The following NEK10 variants were observed in gnomAD, a reference collection of about 807,000 sequenced individuals.
The protein encoded by NEK10 is NIMA related kinase 10, also known as serine/threonine-protein kinase Nek10.
In NEK10, 122 loss-of-function variants were observed where a neutral mutation model predicts 159.8. The ratio of observed to expected loss-of-function variants is 0.76; its 90% CI spans 0.66 to 0.89. The LOEUF is 0.89. Ranked by LOEUF, NEK10 falls within the 40% of genes least tolerant of loss-of-function variation. NEK10 has a pLI of 0.00. For missense variants in NEK10, 1,342 were observed against 1,323.1 expected (o/e 1.01, Z -0.22); for synonymous variants, 466 against 457.1 (o/e 1.02, Z -0.25).
intron 23 of NEK10, among the ~76,000 whole-genome samples, chr3:27,204,053 G>C (rs1468148022): frequency 6.6e-6 from 1 of 151,818 alleles, no homozygotes; most frequent in African/African-American, 2.4e-5. Context: ...AAATGTCTTT[G>C]GCTCCCCACA....
intron 3 of NEK10, 70 bp from the exon 4 acceptor site, chr3:27,346,286 T>C (rs1559539410): frequency 3.9e-6 from 6 of 1,524,274 alleles, no homozygotes; most frequent in Non-Finnish European, 4.5e-6. Context: ...TAACAAAATA[T>C]GGGGAGGATG....
intron 5 of NEK10, among the ~76,000 whole-genome samples, chr3:27,323,983 C>G (rs1276219218): frequency 6.6e-6 from 1 of 152,168 alleles, no homozygotes; most frequent in African/African-American, 2.4e-5. Flanking sequence ...ACATTTTAGG[C>G]ACCTCTCACT....
chr3:27,310,647 G>C (rs938326447), intron 9 of NEK10: 1 of 267,934 alleles, frequency 3.7e-6, no homozygotes, highest in Non-Finnish European at 6.9e-6. Context: ...TGCACACCTA[G>C]GGTGTATTTA....
Position 27,174,500 on chromosome 3 carries a change from T to C in NEK10, c.2715A>G (p.Glu905=), listed in dbSNP as rs1310546907. The C allele has an allele frequency of 2.5e-6, 4 of 1,612,302 alleles. No individual in the cohort carries two copies. The East Asian group carries it at 8.9e-5, about 36-fold the overall frequency. ...TGCTGGAGTTATCCGAAATGTCCAA[T>C]TCATCATCTACCTCTGAATATGTAT... The part of the protein sequence containing the change: ...EKDTYSEVDD[E]LDISDNSSSS... Residue 905 remains glutamate (E), a synonymous_variant, in exon 28 of 36, where the codon GAA becomes GAG. Transcript: ENST00000691995.
chr3:27,247,599 G>A (rs565241703), intron 23 of NEK10, among the ~76,000 whole-genome samples: 1 of 151,852 alleles, frequency 6.6e-6, no homozygotes, highest in Non-Finnish European at 1.5e-5. Context: ...GCAGTGGTGC[G>A]ATCTCAGCTC....
intron 6 of NEK10, among the ~76,000 whole-genome samples, chr3:27,318,860 CA>C (rs900258817): frequency 1.3e-5 from 2 of 151,006 alleles, no homozygotes; most frequent in African/African-American, 4.9e-5. Flanking sequence ...GAACAAACAG[CA>C]ACAACAAAAA....
chr3:27,340,141 A>G (rs2047099058), intron 5 of NEK10, among the ~76,000 whole-genome samples: 1 of 152,260 alleles, frequency 6.6e-6, no homozygotes, highest in South Asian at 2.1e-4. Context: ...TATAAAGAAG[A>G]TGTGGCACAT....
At chr3:27,195,136 T>C (rs2148997729) in intron 25 of NEK10, among the ~76,000 whole-genome samples, 1 of 152,322 alleles carries the variant, frequency 6.6e-6, no homozygotes, top group Non-Finnish European at 1.5e-5. Context: ...AGAAGATATA[T>C]ATGATTAGAA....
chr3:27,321,318 C>T (rs1329145990), intron 6 of NEK10, among the ~76,000 whole-genome samples: 1 of 152,100 alleles, frequency 6.6e-6, no homozygotes, highest in Non-Finnish European at 1.5e-5. Context: ...CATACTGAGT[C>T]AGATTCTGCA....
chr3:27,157,341 G>A (rs1945579715), intron 30 of NEK10, among the ~76,000 whole-genome samples: 1 of 151,858 alleles, frequency 6.6e-6, no homozygotes, highest in Non-Finnish European at 1.5e-5. Context: ...TATGATGAAT[G>A]GTCAAAATAT....
intron 23 of NEK10, among the ~76,000 whole-genome samples, chr3:27,234,851 C>G (rs1242761325): frequency 6.6e-6 from 1 of 152,102 alleles, no homozygotes; most frequent in Non-Finnish European, 1.5e-5. Context: ...ATCATGTTAC[C>G]TGACTCCAAG....
At chr3:27,250,093 T>C (rs1428303325) in intron 23 of NEK10, among the ~76,000 whole-genome samples, 1 of 152,208 alleles carries the variant, frequency 6.6e-6, no homozygotes, top group Non-Finnish European at 1.5e-5. Flanking sequence ...GTTGTAGTTA[T>C]TTTTATTGAT....
chr3:27,254,782 A>G (rs2149316645), intron 23 of NEK10, among the ~76,000 whole-genome samples: 1 of 152,296 alleles, frequency 6.6e-6, no homozygotes, highest in Admixed American at 6.5e-5. Context: ...CTATATGAGT[A>G]GGTTCAGCTT....
At chr3:27,189,125 A>G in intron 26 of NEK10, among the ~76,000 whole-genome samples, 1 of 152,158 alleles carries the variant, frequency 6.6e-6, no homozygotes, top group East Asian at 1.9e-4. Context: ...ATTTTAAGTT[A>G]TAAGAATCAG....
intron 23 of NEK10, among the ~76,000 whole-genome samples, chr3:27,203,734 A>G (rs6792693): frequency 0.23 from 35,752 of 152,146 alleles, 4,545 homozygotes; most frequent in Middle Eastern, 0.38. Context: ...AACAATCAAG[A>G]CAGGTATACA....
At chr3:27,357,671 C>T (rs890575009) in intron 1 of NEK10, among the ~76,000 whole-genome samples, 1 of 152,152 alleles carries the variant, frequency 6.6e-6, no homozygotes, top group African/African-American at 2.4e-5. Flanking sequence ...TCTTTATCTG[C>T]TCATGGACCA....
At chr3:27,321,746 G>A (rs2045656559) in intron 6 of NEK10, among the ~76,000 whole-genome samples, 1 of 152,116 alleles carries the variant, frequency 6.6e-6, no homozygotes, top group Admixed American at 6.5e-5. Context: ...GGAAGGGATT[G>A]ACCCTGGAGC....
At chr3:27,158,657 T>C (rs1315254599) in intron 30 of NEK10, among the ~76,000 whole-genome samples, 2 of 152,196 alleles carry the variant, frequency 1.3e-5, no homozygotes, top group Admixed American at 1.3e-4. Context: ...AGCGCCTGGG[T>C]GTCAGGTGCT....
intron 9 of NEK10, chr3:27,309,654 A>T (rs1173216430): frequency 6.6e-6 from 1 of 152,238 alleles, no homozygotes; most frequent in African/African-American, 2.4e-5. Flanking sequence ...AAGAACCAGG[A>T]AGATTAATGA....
Sources: gnomAD v4.1 joint callset for allele counts (sites outside exome capture counted in the v4.1 genomes callset) on GRCh38, gnomAD v4.1.1 for gene constraint, MANE v1.5 for transcripts, NCBI Gene and HGNC (gene_info 2026-07-23, HGNC 2026-07-21) for gene names.